Variants in DGKB observed in about 807,000 individuals in gnomAD.
DGKB encodes diacylglycerol kinase beta.
A neutral mutation model predicts 114.3 loss-of-function variants in DGKB; 67 were observed. The observed-to-expected ratio is 0.59, with a 90% CI of 0.48 to 0.72. The LOEUF (loss-of-function observed/expected upper bound fraction) is 0.72, where lower values mean the gene tolerates loss of function less well. Among genes scored for constraint, DGKB ranks in the 30% least tolerant of loss-of-function variants. DGKB has a pLI of 0.00. For synonymous variants in DGKB, 398 were observed against 323.1 expected (o/e 1.23, Z -2.49); for missense variants, 907 against 975.2 (o/e 0.93, Z 0.93).
chr7:14,311,038 G>C (rs900228881), intron 23 of DGKB, among the ~76,000 whole-genome samples: 1 of 152,058 alleles, frequency 6.6e-6, no homozygotes, highest in Admixed American at 6.6e-5. Context: ...TAAGGTGGGA[G>C]GATCACTTAA....
In DGKB at chr7:14,780,068, G is replaced by A. The variant is rs141933900; in HGVS notation, c.71-22337C>T. On this transcript the variant is annotated intron_variant, in intron 2 of 25. Coordinates refer to ENST00000402815, the MANE Select transcript of DGKB (RefSeq NM_001350709.2). The stretch of plus-strand genomic sequence containing the variant: ...GAAATGGGGCATGGAAAGTATGGAA[G>A]TGATCTATGCTGATTCTATGTTGGG... Among the ~76,000 whole-genome samples, 3 of 152,308 alleles carry A rather than the reference G, an allele frequency of 2.0e-5. No individual in the cohort carries two copies. The East Asian group carries it at 5.8e-4, about 29-fold the overall frequency.
intron 1 of DGKB, among the ~76,000 whole-genome samples, chr7:14,923,819 AC>A (rs1383510319): frequency 6.6e-6 from 1 of 151,814 alleles, no homozygotes; most frequent in Non-Finnish European, 1.5e-5. Flanking sequence ...ACATGAGGAA[AC>A]CCTGTTTCTA....
chr7:14,950,627 AAAAAG>A (rs1214256038), intron 1 of DGKB, among the ~76,000 whole-genome samples: 1 of 152,032 alleles, frequency 6.6e-6, no homozygotes, highest in African/African-American at 2.4e-5. Context: ...AAAATTACTT[AAAAAG>A]AAAAGTCCAG....
Position 14,595,356 on chromosome 7 carries a change from A to G in DGKB, c.1433+12078T>C, listed in dbSNP as rs1268536568. Among the ~76,000 whole-genome samples, 3 of 151,982 alleles carry G rather than the reference A, an allele frequency of 2.0e-5. No individual in the cohort carries two copies. The East Asian group carries it at 5.8e-4, about 29-fold the overall frequency. On this transcript the variant is annotated intron_variant, in intron 17 of 25. Coordinates refer to ENST00000402815, the MANE Select transcript of DGKB (RefSeq NM_001350709.2). ...AATAAAAACAGTGTGTAAATTCGGG[A>G]AAAAGGGAGAAAACTAGTTTAGTAA...
intron 1 of DGKB, among the ~76,000 whole-genome samples, chr7:14,949,846 G>A (rs1015537516): frequency 1.3e-5 from 2 of 151,682 alleles, no homozygotes. Context: ...GCACACTATT[G>A]CAAGGACAGA....
chr7:14,510,285 C>T (rs1344621466), intron 20 of DGKB, among the ~76,000 whole-genome samples: 1 of 152,154 alleles, frequency 6.6e-6, no homozygotes, highest in African/African-American at 2.4e-5. Context: ...AAACTGGGGT[C>T]AGTCTTCTTA....
intron 23 of DGKB, among the ~76,000 whole-genome samples, chr7:14,289,274 T>C (rs995130613): frequency 4.6e-5 from 7 of 151,112 alleles, no homozygotes; most frequent in Admixed American, 2.0e-4. Context: ...AAGGGCAACA[T>C]TAGTAATGAG....
intron 23 of DGKB, among the ~76,000 whole-genome samples, chr7:14,320,571 A>G (rs551298627): frequency 2.4e-4 from 37 of 151,096 alleles, no homozygotes; most frequent in Non-Finnish European, 3.5e-4. Flanking sequence ...ACATATATAT[A>G]TGTGTACATA....
intron 1 of DGKB, among the ~76,000 whole-genome samples, chr7:14,844,027 C>A (rs1848306093): frequency 6.6e-6 from 1 of 152,172 alleles, no homozygotes; most frequent in South Asian, 2.1e-4. Context: ...CTGCTCCAAG[C>A]CCACCCAGTA....
At chr7:14,504,153 G>C (rs1461008702) in intron 20 of DGKB, among the ~76,000 whole-genome samples, 1 of 152,178 alleles carries the variant, frequency 6.6e-6, no homozygotes, top group Non-Finnish European at 1.5e-5. Flanking sequence ...CAGACTAGCT[G>C]TACTTGGCAT....
rs1811379800 is a variant in DGKB, at chr7:14,639,679, T to C, written c.1135-9411A>G. The stretch of plus-strand genomic sequence containing the variant: ...AAAGGTACGGGCCAAGGCTAAACTA[T>C]CACTATGATCAACATTCTTGCTTAG... On this transcript the variant is annotated intron_variant, in intron 13 of 25. Coordinates refer to ENST00000402815, the MANE Select transcript of DGKB (RefSeq NM_001350709.2). 2.0e-5 allele frequency among the ~76,000 whole-genome samples: 3 copies of C among 152,236 alleles called. No individual in the cohort carries two copies. In the South Asian group the frequency reaches 6.2e-4, roughly 32 times the overall value.
At chr7:14,347,737 G>A (rs1394529545) in intron 21 of DGKB, among the ~76,000 whole-genome samples, 1 of 151,928 alleles carries the variant, frequency 6.6e-6, no homozygotes, top group East Asian at 1.9e-4. Context: ...ATGGTAGCAA[G>A]GGGGAAAATA....
At chr7:14,589,479 T>G (rs2128742546) in intron 17 of DGKB, among the ~76,000 whole-genome samples, 1 of 152,162 alleles carries the variant, frequency 6.6e-6, no homozygotes, top group African/African-American at 2.4e-5. Flanking sequence ...TAAGAATTAC[T>G]TTTGGAATCT....
In DGKB at chr7:14,640,608, C is replaced by T. The variant is rs1011275997; in HGVS notation, c.1135-10340G>A. ...AAGCTCGAGAACTATCCTTATTCCA[C>T]ATAAAGGGGAACATGGGTTGAACTA... On this transcript the variant is annotated intron_variant, in intron 13 of 25. Transcript: ENST00000402815. Among the ~76,000 whole-genome samples the T allele has an allele frequency of 3.9e-5, 6 of 152,156 alleles. No homozygotes were observed. In the South Asian group the frequency reaches 1.0e-3, roughly 26 times the overall value.
chr7:14,681,564 G>T (rs557202875), intron 12 of DGKB, among the ~76,000 whole-genome samples: 4 of 151,998 alleles, frequency 2.6e-5, no homozygotes, highest in African/African-American at 7.2e-5. Context: ...CTGATTCAGT[G>T]CCTCCTACTG....
At chr7:14,826,940 G>T (rs1163230982) in intron 2 of DGKB, among the ~76,000 whole-genome samples, 2 of 152,058 alleles carry the variant, frequency 1.3e-5, no homozygotes, top group Non-Finnish European at 2.9e-5. Context: ...CTCTAAAATA[G>T]CCTAGTGAGC....
At chr7:14,152,583 C>T (rs181139372) in intron 25 of DGKB, among the ~76,000 whole-genome samples, 3 of 152,144 alleles carry the variant, frequency 2.0e-5, no homozygotes, top group Admixed American at 2.0e-4. Flanking sequence ...TCTTCCACTG[C>T]CCATGACTAT....
rs61205192 is a variant in DGKB, at chr7:14,460,120, A to G, written c.1835+18041T>C. ...AAAGCACTAAATATGGAAAGGAAAAACTGGTACCAGCCAATGCAAAAGCAT... is the reference window on the plus strand; with the variant it reads ...AAAGCACTAAATATGGAAAGGAAAAGCTGGTACCAGCCAATGCAAAAGCAT... On this transcript the variant is annotated intron_variant, in intron 21 of 25. Transcript: ENST00000402815. 2.8e-3 allele frequency among the ~76,000 whole-genome samples: 433 copies of G among 152,290 alleles called. 1 individual carries two copies. Among genetic ancestry groups the G allele is most frequent in the Admixed American group, 0.02 (301 of 15,294 alleles).
chr7:14,864,865 A>G (rs1417057679), intron 1 of DGKB, among the ~76,000 whole-genome samples: 2 of 152,056 alleles, frequency 1.3e-5, no homozygotes, highest in East Asian at 3.9e-4. Flanking sequence ...ATGGGTAACT[A>G]TTTTTAAAAT....
Sources: allele counts gnomAD v4.1 joint callset (sites outside exome capture counted in the v4.1 genomes callset), GRCh38; gene constraint gnomAD v4.1.1; transcripts MANE v1.5; gene names NCBI Gene and HGNC (gene_info 2026-07-23, HGNC 2026-07-21).